Variants in FANCM observed in about 807,000 individuals in gnomAD.
FANCM encodes FA complementation group M.
Under a neutral mutation model 199.5 loss-of-function variants are expected in FANCM, and 140 were observed. That is an observed-to-expected ratio of 0.70 (90% CI 0.61 to 0.81). FANCM has a LOEUF of 0.81. Ranked by LOEUF, FANCM falls within the 30% of genes least tolerant of loss-of-function variation. The pLI is 0.00. For missense variants in FANCM, 2,410 were observed against 2,421.4 expected (o/e 1.00, Z 0.10); for synonymous variants, 840 against 836.8 (o/e 1.00, Z -0.07).
Position 45,181,658 on chromosome 14 carries a change from G to A in FANCM, c.4339G>A (p.Asp1447Asn), listed in dbSNP as rs1889080738. The change falls in exon 16 of 23, where the codon GAT becomes AAT. Residue 1447 changes from aspartate to asparagine, a missense_variant. By Grantham distance (23) the Asp-to-Asn change is conservative (BLOSUM62 1). Transcript: ENST00000267430. The part of the protein sequence containing the change: ...SPEDQKNSEV[D>N]SPLHAVKKRR... Reference sequence around the variant, plus strand: ...TTAGGATCAGAAAAATAGTGAAGTTGATTCTCCACTTCATGCTGTCAAAAA... The same window carrying A: ...TTAGGATCAGAAAAATAGTGAAGTTAATTCTCCACTTCATGCTGTCAAAAA... 6.2e-7 allele frequency: 1 copy of A among 1,611,554 alleles called. No homozygotes were observed.
Position 45,164,564 on chromosome 14 carries a change from G to T in FANCM, c.1787G>T (p.Arg596Leu). ...ATCCTTTCTGAAGGACGAGAGGAAC[G>T]TGTAAGTAGAGCTGCAGAAACACAA... ...VIILSEGREERIYNQSQSNKR... is the reference protein window; with the variant it reads ...VIILSEGREELIYNQSQSNKR... Residue 596 changes from arginine to leucine, a missense_variant and splice_region_variant, in exon 10 of 23, where the codon CGT becomes CTT. By Grantham distance (102) the Arg-to-Leu change is moderately radical. Coordinates refer to ENST00000267430, the MANE Select transcript of FANCM (RefSeq NM_020937.4). 6.2e-7 allele frequency: 1 copy of T among 1,607,234 alleles called. No individual in the cohort carries two copies. Among genetic ancestry groups the T allele is most frequent in the Non-Finnish European group, 8.5e-7 (1 of 1,176,164 alleles).
chr14:45,145,651 G>A (rs1263482404), intron 3 of FANCM, among the ~76,000 whole-genome samples: 2 of 152,202 alleles, frequency 1.3e-5, no homozygotes, highest in Admixed American at 6.5e-5. Context: ...CTGGCTGAGC[G>A]TGGTGGCTCA....
chr14:45,152,553 CA>C (rs1886901150), intron 5 of FANCM, among the ~76,000 whole-genome samples: 1 of 152,084 alleles, frequency 6.6e-6, no homozygotes, highest in African/African-American at 2.4e-5. Flanking sequence ...AAACTAGGTC[CA>C]AAGTCAGAGA....
intron 2 of FANCM, 149 bp from the exon 3 acceptor site, chr14:45,140,483 T>G (rs1314136556): frequency 3.1e-6 from 2 of 640,996 alleles, no homozygotes; most frequent in African/African-American, 3.6e-5. Context: ...GCTCTTCAGA[T>G]AATATAACTG....
Position 45,198,711 on chromosome 14 carries a change from T to C in FANCM, c.5784T>C (p.Ala1928=). The change falls in exon 22 of 23, where the codon GCT becomes GCC. Residue 1928 remains alanine, a synonymous_variant. Coordinates refer to ENST00000267430, the MANE Select transcript of FANCM (RefSeq NM_020937.4). The part of the protein sequence containing the change: ...YDSLLTTLIG[A]GIRILFSSCQ... ...GCCTGCTGACTACCTTAATTGGCGC[T>C]GGAATCCGAATTCTTTTCAGTTCCT... The C allele has an allele frequency of 1.9e-6, 3 of 1,613,854 alleles. No homozygotes were observed. The highest frequency in any genetic ancestry group is 1.3e-5 in the African/African-American group (1 of 75,032).
intron 8 of FANCM, among the ~76,000 whole-genome samples, chr14:45,156,058 G>C (rs1887165505): frequency 6.6e-6 from 1 of 152,128 alleles, no homozygotes; most frequent in Non-Finnish European, 1.5e-5. Flanking sequence ...AAGTAGATTA[G>C]GAGAGAGAGA....
chr14:45,176,838 G>A lies in FANCM; in HGVS notation c.4084G>A (p.Asp1362Asn), dbSNP rs199895244. The A allele has an allele frequency of 1.8e-4, 283 of 1,607,100 alleles. 2 individuals are homozygous for A. Among genetic ancestry groups the A allele is most frequent in the Middle Eastern group, 1.7e-4 (1 of 6,032 alleles). The stretch of plus-strand genomic sequence containing the variant: ...AAGAAAGGAAATACTTAAGACACCA[G>A]ATTCTAGTAAGGAAAAAGTAAACCT... ...KIRKEILKTP[D>N]SSKEKVNLQR... is the part of the protein sequence containing the mutation. The change falls in exon 14 of 23, where the codon GAT becomes AAT. Residue 1362 changes from aspartate to asparagine, a missense_variant. Asp to Asn is a conservative substitution (Grantham distance 23). Transcript: ENST00000267430.
chr14:45,141,594 C>T (rs1885962322), intron 3 of FANCM, among the ~76,000 whole-genome samples: 1 of 130,550 alleles, frequency 7.7e-6, no homozygotes, highest in Non-Finnish European at 1.6e-5. Context: ...CTTTCTTTCT[C>T]TTTTTTTTTT....
At chr14:45,166,516 A>G (rs987206392) in intron 10 of FANCM, among the ~76,000 whole-genome samples, 10 of 152,110 alleles carry the variant, frequency 6.6e-5, no homozygotes, top group African/African-American at 2.4e-4. Flanking sequence ...TCAGTGACTC[A>G]CGCCTGTAAT....
rs770032540 is a variant in FANCM, at chr14:45,148,849, G to A, written c.772G>A (p.Val258Ile). 2 of 1,608,964 alleles carry A rather than the reference G, an allele frequency of 1.2e-6. No homozygotes were observed. The highest frequency in any genetic ancestry group is 2.7e-5 in the African/African-American group (2 of 74,800). Reference protein sequence around the residue: ...PGSDIKAVQQVITNLLIGQIE... With the variant: ...PGSDIKAVQQIITNLLIGQIE... ...TGATTTCATATAGGCTGTGCAACAA[G>A]TTATTACTAACCTGCTAATTGGGCA... The change falls in exon 4 of 23, where the codon GTT becomes ATT. Residue 258 changes from valine to isoleucine, a missense_variant. Coordinates refer to ENST00000267430, the MANE Select transcript of FANCM (RefSeq NM_020937.4).
chr14:45,168,625 AT>A (rs1402743779), intron 11 of FANCM, among the ~76,000 whole-genome samples: 1 of 150,210 alleles, frequency 6.7e-6, no homozygotes, highest in Non-Finnish European at 1.5e-5. Flanking sequence ...TTTATCTTAG[AT>A]TATGTGATTT....
At chr14:45,138,813 G>C (rs1048584128) in intron 2 of FANCM, among the ~76,000 whole-genome samples, 1 of 152,012 alleles carries the variant, frequency 6.6e-6, no homozygotes, top group African/African-American at 2.4e-5. Flanking sequence ...ACACCGCATT[G>C]AATATTCCAG....
Position 45,185,201 on chromosome 14 carries a change from A to C in FANCM, c.4516-16A>C, listed in dbSNP as rs1448929636. 5.3e-6 allele frequency: 8 copies of C among 1,519,338 alleles called. No individual in the cohort carries two copies. The highest frequency in any genetic ancestry group is 2.3e-5 in the East Asian group (1 of 44,136). The allele number at this position is 1,519,338 out of a possible 1,614,324, so 94.1% of individuals were successfully genotyped here. A position where few individuals can be genotyped will look rare whatever the true frequency, so the allele number is the denominator to read the frequency against. On this transcript the variant is annotated splice_polypyrimidine_tract_variant and intron_variant, in intron 17 of 22. Coordinates refer to ENST00000267430, the MANE Select transcript of FANCM (RefSeq NM_020937.4). ...TCTCACTGATATCTTCATGTTTTCT[A>C]ATTTGTCTTACTTAGCATGTAGCTA...
rs569497638 is a variant in FANCM at position 45,197,396 on chromosome 14, C to T, written c.5716+849C>T. Among the ~76,000 whole-genome samples the T allele has an allele frequency of 6.2e-4, 94 of 152,118 alleles. 1 individual carries two copies. The highest frequency in any genetic ancestry group is 2.1e-3 in the African/African-American group (87 of 41,512). The stretch of plus-strand genomic sequence containing the variant: ...TGTGGGAGTTGGGCAGCCTTTTCAT[C>T]CCCATTTTGTCATTGGTGAACCGTG... On this transcript the variant is annotated intron_variant, in intron 21 of 22. Transcript: ENST00000267430.
chr14:45,175,477 C>T lies in FANCM; in HGVS notation c.2723C>T (p.Ala908Val), dbSNP rs201464936. ...KRTSDTDEIA[A>V]TCTINENVIK... is the part of the protein sequence containing the mutation. Reference sequence around the variant, plus strand: ...ACATCAGATACAGATGAAATTGCTGCCACATGTACTATTAATGAAAATGTT... The same window carrying T: ...ACATCAGATACAGATGAAATTGCTGTCACATGTACTATTAATGAAAATGTT... Residue 908 changes from alanine (A) to valine (V), a missense_variant, in exon 14 of 23, where the codon GCC becomes GTC. Physicochemically the swap from Ala to Val is moderately conservative, Grantham distance 64 (BLOSUM62 0). Transcript: ENST00000267430. 1 of 1,608,930 alleles carries T rather than the reference C, an allele frequency of 6.2e-7. No individual in the cohort carries two copies. Among genetic ancestry groups the T allele is most frequent in the African/African-American group, 1.3e-5 (1 of 74,828 alleles).
At chr14:45,194,618 A>G (rs1889959009) in intron 20 of FANCM, among the ~76,000 whole-genome samples, 1 of 152,134 alleles carries the variant, frequency 6.6e-6, no homozygotes, top group South Asian at 2.1e-4. Context: ...TGATTATGTA[A>G]TAATTTGTTC....
At chr14:45,180,551 ATCC>A (rs910565845) in intron 14 of FANCM, among the ~76,000 whole-genome samples, 1 of 151,968 alleles carries the variant, frequency 6.6e-6, no homozygotes, top group Non-Finnish European at 1.5e-5. Context: ...GGCTCAAGCA[ATCC>A]TCCTGCCTCA....
intron 18 of FANCM, 58 bp from the exon 19 acceptor site, chr14:45,187,718 ATACTT>A (rs1470114294): frequency 1.3e-6 from 1 of 756,230 alleles, no homozygotes; most frequent in Non-Finnish European, 2.3e-6. Context: ...TTGAAGTTAA[ATACTT>A]TACTGGTTTT....
In FANCM at chr14:45,161,119, C is replaced by T. The variant is rs558887921; in HGVS notation, c.1581+1839C>T. Reference sequence around the variant, plus strand: ...CGATCTCTGATCAATTTCAGTATTACCTAAAGTCATTATTTCCTGAGCTTG... The same window carrying T: ...CGATCTCTGATCAATTTCAGTATTATCTAAAGTCATTATTTCCTGAGCTTG... On this transcript the variant is annotated intron_variant, in intron 9 of 22. Transcript: ENST00000267430. Among the ~76,000 whole-genome samples the T allele has an allele frequency of 7.2e-5, 11 of 152,188 alleles. 1 individual carries two copies. Among genetic ancestry groups the T allele is most frequent in the African/African-American group, 2.6e-4 (11 of 41,532 alleles).
Sources: gnomAD v4.1 joint callset for allele counts (sites outside exome capture counted in the v4.1 genomes callset) on GRCh38, gnomAD v4.1.1 for gene constraint, MANE v1.5 for transcripts, NCBI Gene and HGNC (gene_info 2026-07-23, HGNC 2026-07-21) for gene names.